Variants in HDAC8 observed in about 807,000 individuals in gnomAD.
HDAC8 encodes the protein histone deacetylase-like 1.
HDAC8 carries 1 observed loss-of-function variant against 32.2 expected under a neutral mutation model. The ratio of observed to expected loss-of-function variants is 0.03; its 90% CI spans 0.01 to 0.15. The LOEUF (loss-of-function observed/expected upper bound fraction) is 0.15, where lower values mean the gene tolerates loss of function less well. Ranked by LOEUF, HDAC8 falls within the 10% of genes least tolerant of loss-of-function variation. The probability of loss-of-function intolerance (pLI) is 1.00; values close to 1 mark genes in which losing one functional copy is unlikely to be tolerated. For synonymous variants in HDAC8, 108 were observed against 113.9 expected (o/e 0.95, Z 0.33); for missense variants, 117 against 300.0 (o/e 0.39, Z 4.51).
At chrX:72,536,124 C>A (rs1283802167) in intron 4 of HDAC8, among the ~76,000 whole-genome samples, 1 of 112,099 alleles carries the variant, frequency 8.9e-6, no homozygotes, top group African/African-American at 3.2e-5. Context: ...TTCACTACTT[C>A]TGTGGCCCAG....
At chrX:72,484,966 G>T (rs2048623661) in intron 7 of HDAC8, among the ~76,000 whole-genome samples, 1 of 111,704 alleles carries the variant, frequency 9.0e-6, no homozygotes, top group African/African-American at 3.3e-5. Flanking sequence ...AATATTTCCT[G>T]TCTCAGATGA....
intron 4 of HDAC8, among the ~76,000 whole-genome samples, chrX:72,518,416 A>AT (rs1170183809): frequency 1.8e-5 from 2 of 111,532 alleles, no homozygotes; most frequent in Non-Finnish European, 3.8e-5. Flanking sequence ...ACTTAGCATC[A>AT]TTTTTTTAAA....
At chrX:72,435,614 A>C (rs1433678136) in intron 9 of HDAC8, among the ~76,000 whole-genome samples, 1 of 111,915 alleles carries the variant, frequency 8.9e-6, no homozygotes, top group African/African-American at 3.2e-5. Flanking sequence ...AAAATACAAC[A>C]ACCAAAATAA....
chrX:72,462,172 AAG>A, intron 8 of HDAC8, 74 bp from the exon 9 acceptor site: 1 of 775,471 alleles, frequency 1.3e-6, no homozygotes, highest in Non-Finnish European at 1.9e-6. Flanking sequence ...GGGGTAAGGA[AAG>A]AGAGAAAAAT....
intron 4 of HDAC8, among the ~76,000 whole-genome samples, chrX:72,517,870 T>A (rs928986832): frequency 2.3e-4 from 26 of 111,558 alleles, no homozygotes; most frequent in Middle Eastern, 9.3e-3. Flanking sequence ...TGTTTTGGGG[T>A]CTCTTGCATT....
chrX:72,435,330 G>C (rs2046919130), intron 9 of HDAC8, among the ~76,000 whole-genome samples: 2 of 111,377 alleles, frequency 1.8e-5, no homozygotes, highest in Admixed American at 9.5e-5. Context: ...AAGGTCACCA[G>C]AGTCTCAAAA....
intron 4 of HDAC8, among the ~76,000 whole-genome samples, chrX:72,561,629 G>T (rs2051565649): frequency 8.9e-6 from 1 of 112,325 alleles, no homozygotes; most frequent in South Asian, 3.7e-4. Context: ...CTTAGGCAAA[G>T]AATTCATGAC....
At chrX:72,484,356 G>A (rs1434649061) in intron 7 of HDAC8, among the ~76,000 whole-genome samples, 1 of 111,868 alleles carries the variant, frequency 8.9e-6, no homozygotes, top group Non-Finnish European at 1.9e-5. Flanking sequence ...CACTGCTACT[G>A]AATGAGAACT....
chrX:72,548,440 A>G, intron 4 of HDAC8, among the ~76,000 whole-genome samples: 1 of 111,935 alleles, frequency 8.9e-6, no homozygotes, highest in Non-Finnish European at 1.9e-5. Context: ...TAGTTTCTCA[A>G]ATCTGCCAAA....
intron 4 of HDAC8, among the ~76,000 whole-genome samples, chrX:72,566,182 G>C (rs1192215871): frequency 9.4e-6 from 1 of 106,387 alleles, no homozygotes; most frequent in Non-Finnish European, 1.9e-5. Flanking sequence ...AAAGAGGCCA[G>C]GTGTGGTGGC....
chrX:72,565,693 T>G (rs1280194475), intron 4 of HDAC8, among the ~76,000 whole-genome samples: 1 of 111,935 alleles, frequency 8.9e-6, no homozygotes, highest in Non-Finnish European at 1.9e-5. Flanking sequence ...AGCAAGCCTT[T>G]TCTATGAAGC....
At chrX:72,369,399 A>T (rs188466655) in intron 9 of HDAC8, among the ~76,000 whole-genome samples, 10 of 112,228 alleles carry the variant, frequency 8.9e-5, no homozygotes, top group Admixed American at 8.5e-4. Context: ...CATGGATTGA[A>T]TCAATGAGAA....
chrX:72,410,219 A>G (rs1288459047), intron 9 of HDAC8, among the ~76,000 whole-genome samples: 1 of 111,100 alleles, frequency 9.0e-6, no homozygotes, highest in East Asian at 2.8e-4. Context: ...CTGGATTTTC[A>G]TTTTAGTGAG....
chrX:72,553,155 C>T (rs1399972070), intron 4 of HDAC8, among the ~76,000 whole-genome samples: 1 of 110,894 alleles, frequency 9.0e-6, no homozygotes, highest in Admixed American at 9.6e-5. Flanking sequence ...AGTGATTCTC[C>T]TGCCTCAACT....
At chrX:72,508,026 A>G (rs1467853837) in intron 4 of HDAC8, among the ~76,000 whole-genome samples, 5 of 112,114 alleles carry the variant, frequency 4.5e-5, no homozygotes, top group Non-Finnish European at 9.4e-5. Context: ...TACCTTACCC[A>G]GGCACAACCA....
At chrX:72,352,313 C>A (rs1444416168) in intron 9 of HDAC8, among the ~76,000 whole-genome samples, 1 of 111,805 alleles carries the variant, frequency 8.9e-6, no homozygotes, top group Non-Finnish European at 1.9e-5. Context: ...AGCTGTCCCT[C>A]CTTCTCCACC....
intron 9 of HDAC8, among the ~76,000 whole-genome samples, chrX:72,416,729 G>A (rs942042226): frequency 4.7e-5 from 5 of 107,061 alleles, no homozygotes; most frequent in Admixed American, 1.0e-4. Flanking sequence ...ATTTTGACAC[G>A]TTGTCTTTTC....
At chrX:72,490,857 A>G in intron 6 of HDAC8, 72 bp downstream of exon 6, 1 of 845,842 alleles carries the variant, frequency 1.2e-6, no homozygotes, top group South Asian at 2.2e-5. Flanking sequence ...GGAACTGTCC[A>G]AGTATAAGAA....
intron 4 of HDAC8, among the ~76,000 whole-genome samples, chrX:72,530,178 T>C (rs2050284684): frequency 8.9e-6 from 1 of 112,191 alleles, no homozygotes; most frequent in African/African-American, 3.2e-5. Flanking sequence ...GAGCCACAGC[T>C]TACTTTCCCC....
Sources: allele counts gnomAD v4.1 joint callset (sites outside exome capture counted in the v4.1 genomes callset), GRCh38; gene constraint gnomAD v4.1.1; transcripts MANE v1.5; gene names NCBI Gene and HGNC (gene_info 2026-07-23, HGNC 2026-07-21).